MAGED1: variants seen among roughly 807,000 people sequenced by gnomAD.
MAGED1 encodes melanoma-associated antigen D1.
MAGED1 carries 3 observed loss-of-function variants against 54.1 expected under a neutral mutation model. That is an observed-to-expected ratio of 0.06 (90% CI 0.03 to 0.14). The LOEUF (loss-of-function observed/expected upper bound fraction) is 0.14. Ranked by LOEUF, MAGED1 falls within the 10% of genes least tolerant of loss-of-function variation. MAGED1 has a pLI of 1.00. For missense variants in MAGED1, 485 were observed against 623.4 expected (o/e 0.78, Z 2.36); for synonymous variants, 217 against 227.3 (o/e 0.95, Z 0.41).
At chrX:51,882,591 AAC>A (rs1269019469) in intron 1 of MAGED1, among the ~76,000 whole-genome samples, 1 of 106,357 alleles carries the variant, frequency 9.4e-6, no homozygotes, top group South Asian at 4.4e-4. Context: ...GCAAACTGGA[AAC>A]ACCAAAGGGC....
intron 1 of MAGED1, among the ~76,000 whole-genome samples, chrX:51,835,616 G>T (rs1926218093): frequency 9.0e-6 from 1 of 111,168 alleles, no homozygotes; most frequent in Non-Finnish European, 1.9e-5. Flanking sequence ...ATTGTGATGA[G>T]CCTTGTAGTT....
intron 1 of MAGED1, among the ~76,000 whole-genome samples, chrX:51,851,542 TAGAA>T (rs1186050312): frequency 1.8e-5 from 2 of 111,012 alleles, no homozygotes; most frequent in African/African-American, 6.6e-5. Context: ...AATAATGAAA[TAGAA>T]AGATTATAAC....
At chrX:51,890,304 C>T (rs1228830884), upstream of MAGED1, among the ~76,000 whole-genome samples, 1 of 112,398 alleles carries the variant, frequency 8.9e-6, no homozygotes, top group East Asian at 2.8e-4. Context: ...ACTGAAAAGT[C>T]GTGCCTGGTC....
In MAGED1 at chrX:51,895,204, A is replaced by G. The variant is rs782782535; in HGVS notation, c.197A>G (p.Gln66Arg). Reference sequence around the variant, plus strand: ...ACTGCCAATGAGATGGCTGACATTCAGGTTTCAGCAGCTGCCGCTAGGCCT... The same window carrying G: ...ACTGCCAATGAGATGGCTGACATTCGGGTTTCAGCAGCTGCCGCTAGGCCT... ...PPTANEMADI[Q>R]VSAAAARPKS... is the part of the protein sequence containing the mutation. The change falls in exon 3 of 13, where the codon CAG (glutamine) becomes CGG (arginine). Residue 66 changes from glutamine (Q) to arginine (R), a missense_variant. Physicochemically the swap from Gln to Arg is conservative, Grantham distance 43. Transcript: ENST00000326587. 1 of 1,211,567 alleles carries G rather than the reference A, an allele frequency of 8.3e-7. No individual in the cohort carries two copies. The highest frequency in any genetic ancestry group is 3.0e-5 in the East Asian group (1 of 33,814).
intron 1 of MAGED1, among the ~76,000 whole-genome samples, chrX:51,828,354 A>T (rs1557357108): frequency 9.0e-6 from 1 of 111,590 alleles, no homozygotes; most frequent in East Asian, 2.8e-4. Flanking sequence ...TTTTTACTTT[A>T]TACACAGTTA....
intron 1 of MAGED1, among the ~76,000 whole-genome samples, chrX:51,823,976 G>C (rs1028937260): frequency 9.0e-6 from 1 of 111,663 alleles, no homozygotes; most frequent in Non-Finnish European, 1.9e-5. Flanking sequence ...GTCCATCAAC[G>C]TAGATTTATA....
chrX:51,882,205 C>A (rs1043212979), intron 1 of MAGED1, among the ~76,000 whole-genome samples: 1 of 111,941 alleles, frequency 8.9e-6, no homozygotes, highest in Non-Finnish European at 1.9e-5. Context: ...GATTATTACT[C>A]AGTATTGCTC....
At chrX:51,888,789 A>T (rs1569555977), upstream of MAGED1, among the ~76,000 whole-genome samples, 3 of 112,304 alleles carry the variant, frequency 2.7e-5, no homozygotes, top group Admixed American at 2.8e-4. Context: ...ACTCAACAAT[A>T]AAACAAGAAA....
intron 1 of MAGED1, among the ~76,000 whole-genome samples, chrX:51,830,637 G>A (rs1157178144): frequency 9.1e-6 from 1 of 110,029 alleles, no homozygotes; most frequent in African/African-American, 3.3e-5. Context: ...AACTCAAATA[G>A]ATTTAACTAC....
At chrX:51,822,972 A>G (rs1420326297) in intron 1 of MAGED1, among the ~76,000 whole-genome samples, 4 of 111,971 alleles carry the variant, frequency 3.6e-5, no homozygotes, top group Non-Finnish European at 7.5e-5. Flanking sequence ...TACTTTACAA[A>G]ATATCTTTCT....
chrX:51,898,030 T>C, intron 7 of MAGED1, 84 bp from the exon 8 acceptor site: 1 of 945,985 alleles, frequency 1.1e-6, no homozygotes, highest in East Asian at 3.1e-5. Flanking sequence ...AGCTGAGGAA[T>C]ATTGGGGAGG....
chrX:51,843,185 C>T (rs1227242786), intron 1 of MAGED1, among the ~76,000 whole-genome samples: 5 of 111,914 alleles, frequency 4.5e-5, no homozygotes, highest in African/African-American at 1.6e-4. Context: ...CATTCTGCCC[C>T]TTTCCAGGTT....
intron 5 of MAGED1, 129 bp from the exon 6 acceptor site, chrX:51,897,418 C>T (rs185517573): frequency 1.3e-4 from 98 of 755,544 alleles, no homozygotes; most frequent in Non-Finnish European, 1.9e-4. Flanking sequence ...CCTTCTATCC[C>T]CTCCTTTCCA....
At chrX:51,877,609 T>C (rs1322670146) in intron 1 of MAGED1, among the ~76,000 whole-genome samples, 1 of 111,428 alleles carries the variant, frequency 9.0e-6, no homozygotes, top group Non-Finnish European at 1.9e-5. Context: ...CAAAAATAAA[T>C]GGAAACAAGA....
At chrX:51,873,561 A>AGAC (rs1927770073) in intron 1 of MAGED1, among the ~76,000 whole-genome samples, 1 of 38,385 alleles carries the variant, frequency 2.6e-5, no homozygotes, top group African/African-American at 1.0e-4. Context: ...GAGAGAGAGA[A>AGAC]GTTGGGGTAG....
intron 1 of MAGED1, among the ~76,000 whole-genome samples, chrX:51,830,779 T>C (rs1343078177): frequency 8.9e-6 from 1 of 111,963 alleles, no homozygotes; most frequent in East Asian, 2.8e-4. Flanking sequence ...CATGTATTTG[T>C]CACCTAAGGC....
intron 1 of MAGED1, among the ~76,000 whole-genome samples, chrX:51,841,099 G>C (rs1391199243): frequency 9.6e-6 from 1 of 103,634 alleles, no homozygotes; most frequent in Non-Finnish European, 2.0e-5. Flanking sequence ...AGCACCTGTT[G>C]TTTCCTGACT....
Position 51,896,572 on chromosome X carries a change from C to T in MAGED1, c.917C>T (p.Ser306Leu). The change falls in exon 4 of 13, where the codon TCA (serine) becomes TTA (leucine). Residue 306 changes from serine (S) to leucine (L), a missense_variant. Coordinates refer to ENST00000326587, the MANE Select transcript of MAGED1 (RefSeq NM_006986.4). ...ACGCCATTGGCTTGGCAGAACCCCTCAGGCTGGCAAAACCAGACAGCCAGG... is the reference window on the plus strand; with the variant it reads ...ACGCCATTGGCTTGGCAGAACCCCTTAGGCTGGCAAAACCAGACAGCCAGG... ...WQTPLAWQNPSGWQNQTARQT... is the reference protein window; with the variant it reads ...WQTPLAWQNPLGWQNQTARQT... 8.3e-7 allele frequency: 1 copy of T among 1,211,802 alleles called. No individual in the cohort carries two copies.
At chrX:51,872,804 A>G (rs1557361712) in intron 1 of MAGED1, among the ~76,000 whole-genome samples, 3 of 112,145 alleles carry the variant, frequency 2.7e-5, no homozygotes, top group Non-Finnish European at 5.6e-5. Context: ...TACAAATGCC[A>G]TGGCAATGAC....
Sources: gnomAD v4.1 joint callset for allele counts (sites outside exome capture counted in the v4.1 genomes callset) on GRCh38, gnomAD v4.1.1 for gene constraint, MANE v1.5 for transcripts, NCBI Gene and HGNC (gene_info 2026-07-23, HGNC 2026-07-21) for gene names.